The following RPL19 variants were observed in gnomAD, a reference collection of about 807,000 sequenced individuals.
RPL19 encodes the protein large ribosomal subunit protein eL19.
A neutral mutation model predicts 25.1 loss-of-function variants in RPL19; 2 were observed. The observed-to-expected ratio is 0.08, with a 90% confidence interval of 0.03 to 0.25. The LOEUF is 0.25. Among genes scored for constraint, RPL19 ranks in the 10% least tolerant of loss-of-function variants. The probability of loss-of-function intolerance (pLI) is 1.00; values close to 1 mark genes in which losing one functional copy is unlikely to be tolerated. For synonymous variants in RPL19, 89 were observed against 91.2 expected (o/e 0.98, Z 0.14); for missense variants, 123 against 271.8 (o/e 0.45, Z 3.85).
At position 39,201,327 on chromosome 17, in the gene RPL19, C is replaced by G. The variant is rs752799858; in HGVS notation, c.112+8C>G. ...TCGCCAATGCCAACTCCCGTGAGTA[C>G]CTGGGATCTGTCTCTTCACCCTACT... On this transcript the variant is annotated splice_region_variant and intron_variant, in intron 2 of 5. Coordinates refer to ENST00000225430, the MANE Select transcript of RPL19 (RefSeq NM_000981.4). 2 of 1,503,598 alleles carry G rather than the reference C, an allele frequency of 1.3e-6. No individual in the cohort carries two copies. Among genetic ancestry groups the G allele is most frequent in the East Asian group, 4.5e-5 (2 of 44,368 alleles). The allele number at this position is 1,503,598 out of a possible 1,614,324, so 93.1% of individuals were successfully genotyped here. A position where few individuals can be genotyped will look rare whatever the true frequency, so the allele number is the denominator to read the frequency against.
chr17:39,204,200 T>A lies in RPL19; in HGVS notation c.467+13T>A. 2.7e-6 allele frequency: 4 copies of A among 1,508,482 alleles called. No individual in the cohort carries two copies. The highest frequency in any genetic ancestry group is 3.7e-6 in the Non-Finnish European group (4 of 1,083,740). 93.4% of individuals were successfully genotyped at this position (1,508,482 alleles called of 1,614,324 possible). Reference sequence around the variant, plus strand: ...AGAAGCTCCTGGCGTAAGTTTCTTTTCAGAGTCTTAGGGGAACATTCTTAG... The same window carrying A: ...AGAAGCTCCTGGCGTAAGTTTCTTTACAGAGTCTTAGGGGAACATTCTTAG... On this transcript the variant is annotated intron_variant, in intron 5 of 5. Transcript: ENST00000225430.
At position 39,203,063 on chromosome 17, in the gene RPL19, C is replaced by T. The variant is rs1378979129; in HGVS notation, c.310C>T (p.Arg104Trp). The stretch of plus-strand genomic sequence containing the variant: ...GATGAGGAGAATGAGGATTTTGCGC[C>T]GGCTGCTCAGAAGATACCGTGAATC... ...TWMRRMRILR[R>W]LLRRYRESKK... Residue 104 changes from arginine (R) to tryptophan (W), a missense_variant, in exon 4 of 6, where the codon CGG (arginine) becomes TGG (tryptophan). Arg to Trp is a moderately radical substitution (Grantham distance 101). Transcript: ENST00000225430. 3 of 1,613,868 alleles carry T rather than the reference C, an allele frequency of 1.9e-6. No individual in the cohort carries two copies. Among genetic ancestry groups the T allele is most frequent in the East Asian group, 2.2e-5 (1 of 44,884 alleles).
At chr17:39,200,529 A>G in intron 1 of RPL19, 180 bp downstream of exon 1, 4 of 1,299,172 alleles carry the variant, frequency 3.1e-6, no homozygotes, top group Non-Finnish European at 3.9e-6. Flanking sequence ...GGGGGCGGGG[A>G]GCGTCGCAGC....
intron 4 of RPL19, 21 bp downstream of exon 4, chr17:39,203,130 C>T (rs752499778): frequency 6.2e-7 from 1 of 1,608,188 alleles, no homozygotes; most frequent in Non-Finnish European, 8.5e-7. Flanking sequence ...CCTCTTGGGC[C>T]CAGTACCCAT....
At chr17:39,203,506 G>A (rs1369446817) in intron 4 of RPL19, among the ~76,000 whole-genome samples, 2 of 146,416 alleles carry the variant, frequency 1.4e-5, no homozygotes, top group Non-Finnish European at 3.0e-5. Flanking sequence ...TACTGGCCTT[G>A]GGTAGGGAGC....
intron 1 of RPL19, 30 bp from the exon 2 acceptor site, chr17:39,201,183 A>T: frequency 2.7e-6 from 4 of 1,480,582 alleles, no homozygotes; most frequent in Non-Finnish European, 2.8e-6. Flanking sequence ...ATTGGCTTTC[A>T]GAGTCTAATC....
chr17:39,202,981 C>T lies in RPL19; in HGVS notation c.236-8C>T. On this transcript the variant is annotated splice_polypyrimidine_tract_variant and splice_region_variant and intron_variant, in intron 3 of 5. Transcript: ENST00000225430. Reference sequence around the variant, plus strand: ...TAGTGGCCCGTTCCTAACTCATCTTCTCCACAGGTAAGCGGAAGGGTACAG... The same window carrying T: ...TAGTGGCCCGTTCCTAACTCATCTTTTCCACAGGTAAGCGGAAGGGTACAG... 10 of 1,613,810 alleles carry T rather than the reference C, an allele frequency of 6.2e-6. No homozygotes were observed. Among genetic ancestry groups the T allele is most frequent in the Non-Finnish European group, 8.5e-6 (10 of 1,179,858 alleles).
Position 39,204,633 on chromosome 17 carries a change from A to C in RPL19, c.576A>C (p.Glu192Asp), listed in dbSNP as rs765745284. ...TCATCAAGACTTTATCCAAGGAGGAAGAGACCAAGAAATAAAACCTCCCAC... is the reference window on the plus strand; with the variant it reads ...TCATCAAGACTTTATCCAAGGAGGACGAGACCAAGAAATAAAACCTCCCAC... Reference protein sequence around the residue: ...EEIIKTLSKEEETKK With the variant: ...EEIIKTLSKEDETKK Residue 192 changes from glutamate to aspartate, a missense_variant, in exon 6 of 6, where the codon GAA becomes GAC. Physicochemically the swap from Glu to Asp is conservative, Grantham distance 45 (BLOSUM62 2). Transcript: ENST00000225430. 1 of 1,614,102 alleles carries C rather than the reference A, an allele frequency of 6.2e-7. No homozygotes were observed. The highest frequency in any genetic ancestry group is 1.1e-5 in the South Asian group (1 of 91,082).
At chr17:39,201,578 T>A (rs1042221209) in intron 2 of RPL19, among the ~76,000 whole-genome samples, 2 of 151,616 alleles carry the variant, frequency 1.3e-5, no homozygotes, top group Non-Finnish European at 2.9e-5. Context: ...TTATATTTTA[T>A]TTTATTTTTT....
intron 5 of RPL19, 69 bp from the exon 6 acceptor site, chr17:39,204,456 G>A (rs2046310740): frequency 6.3e-7 from 1 of 1,579,906 alleles, no homozygotes; most frequent in Non-Finnish European, 8.7e-7. Context: ...GAGGTCTGGG[G>A]ATGTGCTTCT....
At chr17:39,201,914 T>G (rs1254537418) in intron 2 of RPL19, among the ~76,000 whole-genome samples, 1 of 152,180 alleles carries the variant, frequency 6.6e-6, no homozygotes, top group Non-Finnish European at 1.5e-5. Context: ...ATTCAGAGTG[T>G]CTATAAAATG....
chr17:39,201,348 C>A, intron 2 of RPL19, 29 bp downstream of exon 2: 1 of 1,266,552 alleles, frequency 7.9e-7, no homozygotes, highest in Non-Finnish European at 1.1e-6. Flanking sequence ...TCTCTTCACC[C>A]TACTTCCTTC....
intron 3 of RPL19, 102 bp from the exon 4 acceptor site, chr17:39,202,887 A>G: frequency 7.6e-7 from 1 of 1,311,538 alleles, no homozygotes; most frequent in Non-Finnish European, 1.1e-6. Context: ...GGTTGTGAGG[A>G]TTAAATGAGT....
At chr17:39,202,808 G>A in intron 3 of RPL19, 181 bp from the exon 4 acceptor site, 1 of 673,652 alleles carries the variant, frequency 1.5e-6, no homozygotes, top group Non-Finnish European at 2.5e-6. Context: ...CTTTAAAATT[G>A]AGTAAACGAA....
intron 1 of RPL19, 106 bp from the exon 2 acceptor site, chr17:39,201,107 T>G (rs902877167): frequency 1.3e-6 from 1 of 761,010 alleles, no homozygotes; most frequent in African/African-American, 1.8e-5. Context: ...GGAAGAGTCT[T>G]ATTTCGCGGC....
chr17:39,203,993 A>T, intron 4 of RPL19, 84 bp from the exon 5 acceptor site: 1 of 747,262 alleles, frequency 1.3e-6, no homozygotes, highest in Non-Finnish European at 2.4e-6. Context: ...CTACAAGCTT[A>T]GTGACCTTGG....
intron 1 of RPL19, chr17:39,200,564 C>G: frequency 7.7e-7 from 1 of 1,298,196 alleles, no homozygotes; most frequent in Non-Finnish European, 9.8e-7. Context: ...AAAGTCTGCC[C>G]CGGCTGGTGC....
intron 1 of RPL19, chr17:39,200,696 T>G: frequency 1.8e-6 from 2 of 1,094,414 alleles, no homozygotes. Context: ...TTTCACGTGA[T>G]GTAGGGCAAG....
chr17:39,200,887 G>C (rs2046281950), intron 1 of RPL19: 1 of 526,964 alleles, frequency 1.9e-6, no homozygotes, highest in Non-Finnish European at 2.6e-6. Flanking sequence ...TCCTAGACTA[G>C]AAATCAGGTC....
Sources: gnomAD v4.1 joint callset for allele counts (sites outside exome capture counted in the v4.1 genomes callset) on GRCh38, gnomAD v4.1.1 for gene constraint, MANE v1.5 for transcripts, NCBI Gene and HGNC (gene_info 2026-07-23, HGNC 2026-07-21) for gene names.